TMPRSS9: variants seen among roughly 807,000 people sequenced by gnomAD.
The protein encoded by TMPRSS9 is transmembrane serine protease 9, also known as transmembrane protease serine 9.
In TMPRSS9, 113 loss-of-function variants were observed where a neutral mutation model predicts 111.4. That is an observed-to-expected ratio of 1.01 (90% CI 0.87 to 1.19). The LOEUF (loss-of-function observed/expected upper bound fraction) is 1.19. TMPRSS9 is among the 50% of genes most tolerant of loss of function. The probability of loss-of-function intolerance (pLI) is 0.00; values close to 1 mark genes in which losing one functional copy is unlikely to be tolerated. For synonymous variants in TMPRSS9, 805 were observed against 659.1 expected (o/e 1.22, Z -3.39); for missense variants, 1,803 against 1,513.1 (o/e 1.19, Z -3.18).
chr19:2,378,580 T>C (rs1271452664), intron 1 of TMPRSS9, among the ~76,000 whole-genome samples: 1 of 152,154 alleles, frequency 6.6e-6, no homozygotes, highest in Non-Finnish European at 1.5e-5. Flanking sequence ...TAGCCAGGCA[T>C]GGTGGTGCAC....
At chr19:2,405,801 G>C (rs1429595889) in intron 7 of TMPRSS9, among the ~76,000 whole-genome samples, 1 of 150,600 alleles carries the variant, frequency 6.6e-6, no homozygotes, top group Non-Finnish European at 1.5e-5. Context: ...CGCCTCCTGG[G>C]TTCACGCCAT....
At chr19:2,424,606 G>A (rs1299212895) in intron 15 of TMPRSS9, among the ~76,000 whole-genome samples, 3 of 149,758 alleles carry the variant, frequency 2.0e-5, no homozygotes, top group African/African-American at 7.6e-5. Flanking sequence ...CCTCGCCCCT[G>A]GGACTTGGCT....
chr19:2,409,369 C>T (rs1473562127), intron 8 of TMPRSS9, among the ~76,000 whole-genome samples: 2 of 151,938 alleles, frequency 1.3e-5, no homozygotes, highest in Non-Finnish European at 2.9e-5. Context: ...GTCTTGATCT[C>T]CTGACCTCGT....
chr19:2,367,505 C>T (rs1970256837), intron 1 of TMPRSS9, among the ~76,000 whole-genome samples: 1 of 151,942 alleles, frequency 6.6e-6, no homozygotes, highest in African/African-American at 2.4e-5. Context: ...AGTGATTCTC[C>T]TGCCTCAGCC....
chr19:2,413,866 T>C, exon 10 of TMPRSS9: 1 of 1,613,680 alleles, frequency 6.2e-7, no homozygotes. Context: ...AAAGCCAGCA[T>C]GCCTCTGGCC....
intron 6 of TMPRSS9, among the ~76,000 whole-genome samples, chr19:2,403,991 CAAAA>C (rs924148287): frequency 2.0e-5 from 1 of 50,480 alleles, no homozygotes; most frequent in Admixed American, 2.3e-4. Context: ...GACTCTGTCT[CAAAA>C]AAAAAAAAAA....
chr19:2,426,077 A>C, exon 18 of TMPRSS9: 1 of 1,605,704 alleles, frequency 6.2e-7, no homozygotes, highest in Admixed American at 1.7e-5. Context: ...AGGACAGCAC[A>C]TCCAGGAGTG....
intron 14 of TMPRSS9, among the ~76,000 whole-genome samples, chr19:2,423,679 G>A (rs1408583598): frequency 2.0e-5 from 3 of 152,116 alleles, no homozygotes; most frequent in Non-Finnish European, 2.9e-5. Flanking sequence ...GCTTGGCACC[G>A]TCTGGGGAGG....
chr19:2,425,661 G>GT, intron 17 of TMPRSS9, 168 bp downstream of exon 18: 1 of 1,317,588 alleles, frequency 7.6e-7, no homozygotes. Context: ...CTCCACAGCC[G>GT]TTTATTGGGC....
At chr19:2,423,836 C>T (rs1187659216) in intron 14 of TMPRSS9, among the ~76,000 whole-genome samples, 2 of 152,092 alleles carry the variant, frequency 1.3e-5, no homozygotes, top group East Asian at 1.9e-4. Context: ...GAGGGGCCTC[C>T]GGCAGGGGAA....
At chr19:2,403,525 C>T (rs1459281348) in intron 6 of TMPRSS9, among the ~76,000 whole-genome samples, 2 of 151,982 alleles carry the variant, frequency 1.3e-5, no homozygotes, top group Non-Finnish European at 2.9e-5. Flanking sequence ...GGGGCGTGGC[C>T]ACAGGGATGT....
chr19:2,403,258 T>C, intron 6 of TMPRSS9, 63 bp downstream of exon 7: 1 of 1,361,852 alleles, frequency 7.3e-7, no homozygotes, highest in Non-Finnish European at 1.0e-6. Flanking sequence ...AGCTGCTGGC[T>C]CTGGTCTGTG....
rs375557571 is a variant in TMPRSS9 at position 2,416,719 on chromosome 19, C to T, written c.1927C>T (p.Gln643Ter). ...CCCCCTGGCCTTCAACAAATACATC[C>T]AGCCTGTCTGCCTGCCCCTGGCCAT... is the stretch of plus-strand genomic sequence containing the variant. Residue 643 changes from glutamine (Q) to a stop codon, truncating the protein, a stop_gained, in exon 12 of 18, where the codon CAG becomes TAG. Transcript: ENST00000648592. LOFTEE classifies it high-confidence loss of function. 15 of 1,613,134 alleles carry T rather than the reference C, an allele frequency of 9.3e-6. No homozygotes were observed. In the African/African-American group the frequency reaches 1.7e-4, roughly 19 times the overall value.
In TMPRSS9 at chr19:2,418,315, C is replaced by CTTTCCTTTCCT. The variant is rs1449420255; in HGVS notation, c.2154+178_2154+179insTTCCTTTCCTT. Among the ~76,000 whole-genome samples, 9 of 36,648 alleles carry CTTTCCTTTCCT rather than the reference C, an allele frequency of 2.5e-4. 1 individual carries two copies. The highest frequency in any genetic ancestry group is 1.3e-3 in the African/African-American group (4 of 3,178). 24.0% of individuals were successfully genotyped at this position (36,648 alleles called of 152,430 possible). ...CCTTTCCTTCCCTCCCTTTCCCTCC[C>CTTTCCTTTCCT]TCCCTCCCTCCCTCCCTTTCCTTCC... On this transcript the variant is annotated intron_variant, in intron 13 of 17. Coordinates refer to ENST00000648592, the Ensembl canonical transcript of TMPRSS9.
At chr19:2,406,220 A>G (rs1272696164) in intron 7 of TMPRSS9, among the ~76,000 whole-genome samples, 21 of 137,354 alleles carry the variant, frequency 1.5e-4, no homozygotes, top group South Asian at 4.8e-4. Flanking sequence ...GGGTTTCACC[A>G]TGTTAGTCAG....
chr19:2,379,909 C>G (rs1413598925), intron 1 of TMPRSS9, among the ~76,000 whole-genome samples: 1 of 151,696 alleles, frequency 6.6e-6, no homozygotes, highest in Non-Finnish European at 1.5e-5. Context: ...CTACCATGCC[C>G]AGCTACTTTT....
At chr19:2,379,665 CTTTCTTTCTTTCTCTT>C (rs1244072024) in intron 1 of TMPRSS9, among the ~76,000 whole-genome samples, 3 of 148,190 alleles carry the variant, frequency 2.0e-5, no homozygotes, top group Non-Finnish European at 3.0e-5. Context: ...TTCTTTCTTT[CTTTCTTTCTTTCTCTT>C]TTTCTTTCTT....
intron 17 of TMPRSS9, chr19:2,425,698 T>C: frequency 8.2e-7 from 1 of 1,217,460 alleles, no homozygotes; most frequent in South Asian, 1.8e-5. Flanking sequence ...TCCCCGGGCC[T>C]CGGCGGCAGA....
intron 9 of TMPRSS9, among the ~76,000 whole-genome samples, chr19:2,411,029 G>A (rs1199949917): frequency 6.6e-6 from 1 of 152,070 alleles, no homozygotes; most frequent in African/African-American, 2.4e-5. Flanking sequence ...GCTGGGCACG[G>A]TGGCTCACGC....
Sources: allele counts gnomAD v4.1 joint callset (sites outside exome capture counted in the v4.1 genomes callset), GRCh38; gene constraint gnomAD v4.1.1; transcripts MANE v1.5; gene names NCBI Gene and HGNC (gene_info 2026-07-23, HGNC 2026-07-21).